The following PTGES3 variants were observed in gnomAD, a reference collection of about 807,000 sequenced individuals.
PTGES3 encodes prostaglandin E synthase 3, also known as Hsp90 co-chaperone.
Under a neutral mutation model 29.9 loss-of-function variants are expected in PTGES3, and 5 were observed. The ratio of observed to expected loss-of-function variants is 0.17; its 90% CI spans 0.09 to 0.35. The LOEUF is 0.35. Among genes scored for constraint, PTGES3 ranks in the 10% least tolerant of loss-of-function variants. PTGES3 has a pLI of 1.00. For synonymous variants in PTGES3, 49 were observed against 57.8 expected (o/e 0.85, Z 0.69); for missense variants, 128 against 190.0 (o/e 0.67, Z 1.92).
intron 5 of PTGES3, among the ~76,000 whole-genome samples, chr12:56,669,270 G>A (rs978597752): frequency 1.3e-5 from 2 of 152,014 alleles, no homozygotes; most frequent in African/African-American, 2.4e-5. Context: ...TCGGCTCACC[G>A]CAACCTCCAC....
intron 1 of PTGES3, among the ~76,000 whole-genome samples, chr12:56,682,847 A>T (rs1470644529): frequency 1.3e-5 from 2 of 152,050 alleles, no homozygotes; most frequent in Non-Finnish European, 2.9e-5. Flanking sequence ...ACAAAAAATT[A>T]GCTGGGCATA....
chr12:56,680,824 GC>G (rs753270553), intron 1 of PTGES3, among the ~76,000 whole-genome samples: 4 of 150,952 alleles, frequency 2.6e-5, no homozygotes, highest in East Asian at 1.9e-4. Context: ...TGTCATTCAG[GC>G]TGGAGTGCTG....
intron 1 of PTGES3, among the ~76,000 whole-genome samples, chr12:56,686,407 CTT>C (rs1023389154): frequency 2.2e-4 from 33 of 151,844 alleles, no homozygotes; most frequent in African/African-American, 6.8e-4. Context: ...GGTTTTCACT[CTT>C]GTTGCCCAGG....
chr12:56,664,562 T>C, intron 7 of PTGES3, 64 bp from the exon 8 acceptor site: 1 of 1,533,034 alleles, frequency 6.5e-7, no homozygotes, highest in Non-Finnish European at 8.8e-7. Flanking sequence ...TTTTACTGTC[T>C]TAAAGGAAAA....
chr12:56,683,113 T>C (rs141278041), intron 1 of PTGES3, among the ~76,000 whole-genome samples: 84 of 150,526 alleles, frequency 5.6e-4, no homozygotes, highest in African/African-American at 2.0e-3. Flanking sequence ...ACTCTAGGAG[T>C]CTGAGGCGCG....
chr12:56,686,833 C>CA (rs748176582), intron 1 of PTGES3: 185 of 398,232 alleles, frequency 4.6e-4, no homozygotes, highest in Non-Finnish European at 7.5e-4. Flanking sequence ...TACTCAGCCT[C>CA]AGTATCATGA....
chr12:56,665,995 C>T, intron 6 of PTGES3: 1 of 1,283,676 alleles, frequency 7.8e-7, no homozygotes, highest in South Asian at 2.1e-5. Context: ...AAATCTAATC[C>T]ATTTAGGAAT....
chr12:56,669,016 T>TTTTTTC (rs1951892340), intron 5 of PTGES3, among the ~76,000 whole-genome samples: 1 of 141,696 alleles, frequency 7.1e-6, no homozygotes. Context: ...AATTTTTTTT[T>TTTTTTC]TTTTTTTTTT....
At chr12:56,673,649 C>T (rs1404474768) in intron 1 of PTGES3, among the ~76,000 whole-genome samples, 2 of 151,660 alleles carry the variant, frequency 1.3e-5, no homozygotes. Context: ...AAAAATTAGC[C>T]AGGCACAGTG....
chr12:56,668,832 A>C (rs942525477), intron 5 of PTGES3, among the ~76,000 whole-genome samples: 1 of 151,960 alleles, frequency 6.6e-6, no homozygotes, highest in Non-Finnish European at 1.5e-5. Context: ...CTTATACACT[A>C]ATGTTCTTTC....
At chr12:56,670,129 T>C in intron 5 of PTGES3, 146 bp downstream of exon 5, 1 of 586,910 alleles carries the variant, frequency 1.7e-6, no homozygotes, top group Non-Finnish European at 3.1e-6. Flanking sequence ...ATTGTTAACA[T>C]CTATTTACTA....
chr12:56,677,352 G>C (rs567874210), intron 1 of PTGES3, among the ~76,000 whole-genome samples: 2 of 152,168 alleles, frequency 1.3e-5, no homozygotes, highest in South Asian at 4.1e-4. Flanking sequence ...AACTCGCTAG[G>C]ACAGAGGTTC....
At chr12:56,668,720 T>G (rs1274717627) in intron 5 of PTGES3, among the ~76,000 whole-genome samples, 1 of 152,230 alleles carries the variant, frequency 6.6e-6, no homozygotes, top group East Asian at 1.9e-4. Context: ...AGCTGGAAAC[T>G]TAGCTCCTTT....
chr12:56,670,489 G>A (rs1261218216), intron 4 of PTGES3, 125 bp from the exon 5 acceptor site: 12 of 678,654 alleles, frequency 1.8e-5, no homozygotes, highest in Middle Eastern at 5.5e-4. Flanking sequence ...CTGGAGTGCA[G>A]CAAGCATTCA....
chr12:56,687,932 C>G, intron 1 of PTGES3, 66 bp downstream of exon 1: 1 of 1,603,656 alleles, frequency 6.2e-7, no homozygotes, highest in South Asian at 1.1e-5. Context: ...GGGCCGCTTC[C>G]AGGGAGCCCC....
intron 5 of PTGES3, among the ~76,000 whole-genome samples, chr12:56,669,848 G>C (rs1024268545): frequency 2.0e-5 from 3 of 151,492 alleles, no homozygotes; most frequent in Admixed American, 6.6e-5. Context: ...CTGACCTCGT[G>C]ATCTGCCAGC....
Position 56,672,973 on chromosome 12 carries a change from T to G in PTGES3, c.95A>C (p.Glu32Ala). 8.1e-6 allele frequency: 13 copies of G among 1,603,798 alleles called. No individual in the cohort carries two copies. Among genetic ancestry groups the G allele is most frequent in the Non-Finnish European group, 1.0e-5 (12 of 1,176,784 alleles). Residue 32 changes from glutamate (E) to alanine (A), a missense_variant, in exon 2 of 8, where the codon GAA (glutamate) becomes GCA (alanine). By Grantham distance (107) the Glu-to-Ala change is moderately radical. Transcript: ENST00000262033. The stretch of plus-strand genomic sequence containing the variant: ...TTACCTGAATGTAAGTTTGGATTTT[T>G]CAAAATTTACATTAACATCCTTACT... ...EDSKDVNVNF[E>A]KSKLTFSCLG... is the part of the protein sequence containing the mutation.
intron 1 of PTGES3, among the ~76,000 whole-genome samples, chr12:56,681,991 C>A (rs1403980390): frequency 2.0e-5 from 3 of 152,046 alleles, no homozygotes; most frequent in Admixed American, 6.5e-5. Flanking sequence ...GGATTACAGG[C>A]ACCCGCCACG....
rs869222252 is a variant in PTGES3 at position 56,674,825 on chromosome 12, CAAAAAAAAAAA to C, written c.3-1771_3-1761del. Among the ~76,000 whole-genome samples, 28 of 16,108 alleles carry C rather than the reference CAAAAAAAAAAA, an allele frequency of 1.7e-3. 1 individual carries two copies. The East Asian group carries it at 0.028, about 16-fold the overall frequency. 10.6% of individuals were successfully genotyped at this position (16,108 alleles called of 152,430 possible). A position where few individuals can be genotyped will look rare whatever the true frequency, so the allele number is the denominator to read the frequency against. ...TGGGCAACAGAGCAAGACTCCATCT[CAAAAAAAAAAA>C]AAAAAAAAAAAAAAAAAATTCGCCA... is the stretch of plus-strand genomic sequence containing the variant. On this transcript the variant is annotated intron_variant, in intron 1 of 7. Coordinates refer to ENST00000262033, the MANE Select transcript of PTGES3 (RefSeq NM_006601.7).
Sources: gnomAD v4.1 joint callset for allele counts (sites outside exome capture counted in the v4.1 genomes callset) on GRCh38, gnomAD v4.1.1 for gene constraint, MANE v1.5 for transcripts, NCBI Gene and HGNC (gene_info 2026-07-23, HGNC 2026-07-21) for gene names.